The following GNG2 variants were observed in gnomAD, a reference collection of about 807,000 sequenced individuals.
GNG2 encodes the protein guanine nucleotide-binding protein G(I)/G(S)/G(O) subunit gamma-2.
A neutral mutation model predicts 5.5 loss-of-function variants in GNG2; 5 were observed. The ratio of observed to expected loss-of-function variants is 0.91; its 90% CI spans 0.48 to 1.92. GNG2 has a LOEUF of 1.92. Ranked by LOEUF, GNG2 falls within the 30% of genes most tolerant of loss-of-function variation. The pLI is 0.01. For synonymous variants in GNG2, 28 were observed against 32.0 expected, an observed-to-expected ratio of 0.88 and a Z score of 0.42; for missense variants, 55 against 88.4, an observed-to-expected ratio of 0.62 and a Z score of 1.52.
At chr14:51,963,514 A>G (rs779830680) in intron 3 of GNG2, among the ~76,000 whole-genome samples, 19 of 152,226 alleles carry the variant, frequency 1.2e-4, no homozygotes, top group Non-Finnish European at 2.2e-4. Flanking sequence ...AAGTGATCTC[A>G]ATTCAGTCTG....
rs1331059313 is a variant in GNG2 at position 51,916,502 on chromosome 14, AT to A, written c.-29-34147del. 3 of 419,130 alleles carry A rather than the reference AT, an allele frequency of 7.2e-6. No homozygotes were observed. In the African/African-American group the frequency reaches 8.9e-5, roughly 12 times the overall value. 26.0% of individuals were successfully genotyped at this position (419,130 alleles called of 1,614,324 possible). A position where few individuals can be genotyped will look rare whatever the true frequency, so the allele number is the denominator to read the frequency against. ...AAAGTGCTAAAAATTTTCCACGAAAATAATCCTGAAAAAAAAAAAGAAATGG... is the reference window on the plus strand; with the variant it reads ...AAAGTGCTAAAAATTTTCCACGAAAAAATCCTGAAAAAAAAAAAGAAATGG... On this transcript the variant is annotated intron_variant, in intron 2 of 3. Transcript: ENST00000556766.
chr14:51,901,083 G>A (rs1216816657), intron 2 of GNG2, among the ~76,000 whole-genome samples: 3 of 152,214 alleles, frequency 2.0e-5, no homozygotes, highest in Non-Finnish European at 4.4e-5. Flanking sequence ...TTTATATAAA[G>A]CATTTGTTTT....
chr14:51,842,963 C>T (rs1881523566), intron 2 of GNG2, among the ~76,000 whole-genome samples: 1 of 152,114 alleles, frequency 6.6e-6, no homozygotes. Flanking sequence ...CCACGCCTGG[C>T]CTATTTGCCA....
chr14:51,852,660 T>TG, intron 2 of GNG2, among the ~76,000 whole-genome samples: 1 of 152,374 alleles, frequency 6.6e-6, no homozygotes, highest in East Asian at 1.9e-4. Context: ...ATTTGAGACT[T>TG]ACAATTGTAC....
chr14:51,826,367 A>G (rs1394802812), intron 1 of GNG2: 1 of 152,242 alleles, frequency 6.6e-6, no homozygotes, highest in Non-Finnish European at 1.5e-5. Flanking sequence ...TTTACTTTGC[A>G]TTAGGTATTA....
intron 2 of GNG2, among the ~76,000 whole-genome samples, chr14:51,830,899 A>T (rs1881169693): frequency 6.6e-6 from 1 of 152,184 alleles, no homozygotes; most frequent in African/African-American, 2.4e-5. Flanking sequence ...TTCAGTTCAA[A>T]AGCTAAATAG....
At chr14:51,837,968 G>C (rs529581131) in intron 2 of GNG2, among the ~76,000 whole-genome samples, 14 of 152,010 alleles carry the variant, frequency 9.2e-5, no homozygotes, top group Non-Finnish European at 2.9e-5. Flanking sequence ...AAATATCCTC[G>C]TCAGTAGTAA....
intron 2 of GNG2, among the ~76,000 whole-genome samples, chr14:51,925,335 C>T (rs1238917910): frequency 6.6e-6 from 1 of 152,096 alleles, no homozygotes; most frequent in Admixed American, 6.6e-5. Flanking sequence ...AAAATGTTCC[C>T]ATTTTACAGT....
upstream of GNG2, among the ~76,000 whole-genome samples, chr14:51,858,211 TATCCTGGCC>T (rs5808637): frequency 0.42 from 64,139 of 151,956 alleles, 14,229 homozygotes; most frequent in South Asian, 0.51. Flanking sequence ...TGGATTAATC[TATCCTGGCC>T]AAGCTATACC....
intron 2 of GNG2, among the ~76,000 whole-genome samples, chr14:51,846,346 A>G (rs1881627358): frequency 6.6e-6 from 1 of 152,170 alleles, no homozygotes; most frequent in African/African-American, 2.4e-5. Flanking sequence ...AGGTTATGAA[A>G]ACCATATAAA....
chr14:51,856,266 G>C (rs1314197829), upstream of GNG2, among the ~76,000 whole-genome samples: 4 of 152,070 alleles, frequency 2.6e-5, no homozygotes, highest in Non-Finnish European at 4.4e-5. Context: ...AGAGATTAAA[G>C]AGTTTGGGGA....
At chr14:51,947,022 T>C (rs766817265) in intron 2 of GNG2, among the ~76,000 whole-genome samples, 2 of 152,144 alleles carry the variant, frequency 1.3e-5, no homozygotes, top group East Asian at 1.9e-4. Flanking sequence ...ACATTCAGGG[T>C]GTAGCTGCCT....
chr14:51,917,375 G>C (rs2275459), intron 2 of GNG2: 28,685 of 456,016 alleles, frequency 0.063, 1,790 homozygotes, highest in East Asian at 0.31. Context: ...CATCCCATTT[G>C]TCAGACAGCA....
At chr14:51,898,159 T>G (rs1885325566) in intron 2 of GNG2, among the ~76,000 whole-genome samples, 1 of 152,126 alleles carries the variant, frequency 6.6e-6, no homozygotes, top group Non-Finnish European at 1.5e-5. Flanking sequence ...AATTTTGGAG[T>G]GGCATTATTC....
chr14:51,831,754 C>A (rs1206376700), intron 2 of GNG2, among the ~76,000 whole-genome samples: 1 of 152,084 alleles, frequency 6.6e-6, no homozygotes, highest in African/African-American at 2.4e-5. Context: ...ATGACCAATG[C>A]CAGCATAGTG....
intron 2 of GNG2, among the ~76,000 whole-genome samples, chr14:51,848,259 A>G (rs1204241375): frequency 1.3e-5 from 2 of 151,992 alleles, no homozygotes; most frequent in Non-Finnish European, 2.9e-5. Context: ...GGCCCTCCTC[A>G]TTGTTCTAGT....
At chr14:51,947,851 AT>A (rs1888730280) in intron 2 of GNG2, among the ~76,000 whole-genome samples, 2 of 152,228 alleles carry the variant, frequency 1.3e-5, no homozygotes, top group Admixed American at 6.5e-5. Flanking sequence ...TACTCAGTTA[AT>A]AGCAGGTCTG....
At chr14:51,959,437 T>G (rs1173742897) in intron 3 of GNG2, among the ~76,000 whole-genome samples, 2 of 152,174 alleles carry the variant, frequency 1.3e-5, no homozygotes, top group Non-Finnish European at 2.9e-5. Context: ...TTAATTTTCC[T>G]TTTTTATTCA....
intron 2 of GNG2, among the ~76,000 whole-genome samples, chr14:51,830,415 G>A (rs1261767063): frequency 6.6e-6 from 1 of 152,066 alleles, no homozygotes; most frequent in Non-Finnish European, 1.5e-5. Flanking sequence ...CTCCTCACCT[G>A]GACTCCAGTC....
Sources: allele counts gnomAD v4.1 joint callset (sites outside exome capture counted in the v4.1 genomes callset), GRCh38; gene constraint gnomAD v4.1.1; transcripts MANE v1.5; gene names NCBI Gene and HGNC (gene_info 2026-07-23, HGNC 2026-07-21).